The following GRB2 variants were observed in gnomAD, a reference collection of about 807,000 sequenced individuals.
The protein encoded by GRB2 is growth factor receptor-bound protein 2.
In GRB2, 2 loss-of-function variants were observed where a neutral mutation model predicts 27.4. That is an observed-to-expected ratio of 0.07 (90% CI 0.03 to 0.23). GRB2 has a LOEUF of 0.23. Among genes scored for constraint, GRB2 ranks in the 10% least tolerant of loss-of-function variants. The pLI, the probability that GRB2 is intolerant of heterozygous loss-of-function variation, is 1.00. For missense variants in GRB2, 102 were observed against 282.4 expected (o/e 0.36, Z 4.58); for synonymous variants, 94 against 99.6 (o/e 0.94, Z 0.33).
chr17:75,358,926 T>TAC (rs2078757454), intron 2 of GRB2, among the ~76,000 whole-genome samples: 2 of 133,802 alleles, frequency 1.5e-5, no homozygotes, highest in Non-Finnish European at 3.2e-5. Flanking sequence ...AATATATATA[T>TAC]ATATAAAATA....
intron 2 of GRB2, among the ~76,000 whole-genome samples, chr17:75,388,930 G>A (rs1267840497): frequency 6.6e-6 from 1 of 152,056 alleles, no homozygotes; most frequent in East Asian, 1.9e-4. Context: ...TATCTGACAG[G>A]CAGAAATCCC....
intron 1 of GRB2, among the ~76,000 whole-genome samples, chr17:75,403,747 G>A (rs1490185607): frequency 6.6e-6 from 1 of 151,034 alleles, no homozygotes; most frequent in Non-Finnish European, 1.5e-5. Context: ...CTGGGCGACA[G>A]AGCGAGACTC....
intron 2 of GRB2, among the ~76,000 whole-genome samples, chr17:75,376,328 G>A (rs1473132363): frequency 3.4e-5 from 4 of 118,468 alleles, no homozygotes; most frequent in Non-Finnish European, 5.0e-5. Flanking sequence ...CTGGGTGACA[G>A]ACAGAGACTC....
intron 2 of GRB2, among the ~76,000 whole-genome samples, chr17:75,384,647 G>T (rs2078950626): frequency 6.6e-6 from 1 of 152,038 alleles, no homozygotes; most frequent in African/African-American, 2.4e-5. Context: ...TCCAGCCTGG[G>T]CAACAGAGAC....
rs191004344 is a variant in GRB2, at chr17:75,396,159, T to C, written c.-137-2394A>G. ...GACCCAATCATACTTTTTTGTACAATCCTTAGATTTTTCCCAGCATTAGCA... is the reference window on the plus strand; with the variant it reads ...GACCCAATCATACTTTTTTGTACAACCCTTAGATTTTTCCCAGCATTAGCA... On this transcript the variant is annotated intron_variant, in intron 1 of 5. Transcript: ENST00000316804. Among the ~76,000 whole-genome samples the C allele has an allele frequency of 7.9e-5, 12 of 152,228 alleles. No homozygotes were observed. The East Asian group carries it at 2.3e-3, about 29-fold the overall frequency.
At position 75,374,085 on chromosome 17, in the gene GRB2, G is replaced by A. The variant is rs368132732; in HGVS notation, c.78+19466C>T. On this transcript the variant is annotated intron_variant, in intron 2 of 5. Coordinates refer to ENST00000316804, the MANE Select transcript of GRB2 (RefSeq NM_002086.5). The stretch of plus-strand genomic sequence containing the variant: ...GCTGGGATTACAGGAGTGAGCCACC[G>A]TGCCCTGCCAGGTACTGATATTCTT... Among the ~76,000 whole-genome samples the A allele has an allele frequency of 7.6e-3, 1,150 of 151,630 alleles. 8 individuals carry two copies. Among genetic ancestry groups the A allele is most frequent in the African/African-American group, 0.026 (1,067 of 41,412 alleles).
At chr17:75,350,140 C>A (rs1334062622) in intron 2 of GRB2, among the ~76,000 whole-genome samples, 1 of 150,806 alleles carries the variant, frequency 6.6e-6, no homozygotes, top group Non-Finnish European at 1.5e-5. Context: ...ATCCCTTAAG[C>A]CCAGCAGTTT....
intron 2 of GRB2, among the ~76,000 whole-genome samples, chr17:75,346,850 ACTGTGCCCAGCCTG>A (rs1387040301): frequency 2.6e-5 from 4 of 152,024 alleles, no homozygotes; most frequent in Non-Finnish European, 5.9e-5. Flanking sequence ...GGCATGAGCC[ACTGTGCCCAGCCTG>A]CTCTGACTTT....
At position 75,319,162 on chromosome 17, in the gene GRB2, C is replaced by G. The variant is rs966635732; in HGVS notation, c.*1206G>C. The G allele has an allele frequency of 1.1e-4, 16 of 145,024 alleles. No homozygotes were observed. Among genetic ancestry groups the G allele is most frequent in the Admixed American group, 1.1e-3 (15 of 14,092 alleles). The allele number at this position is 145,024 out of a possible 1,614,324, so 9.0% of individuals were successfully genotyped here. A position where few individuals can be genotyped will look rare whatever the true frequency, so the allele number is the denominator to read the frequency against. On this transcript the variant is annotated 3_prime_UTR_variant, in exon 6 of 6. Transcript: ENST00000316804. ...GAGCTTAAAGCCTCCTGGCTTAGTA[C>G]AAGCAGGAGAACGCCTCACCTTCCA...
intron 2 of GRB2, chr17:75,393,324 AAATG>A (rs2079009878): frequency 5.2e-6 from 3 of 576,628 alleles, no homozygotes. Context: ...ATCAACAGAC[AAATG>A]AGGCATTCAC....
chr17:75,331,106 C>T (rs1190959533), intron 3 of GRB2, among the ~76,000 whole-genome samples: 1 of 152,192 alleles, frequency 6.6e-6, no homozygotes, highest in Admixed American at 6.5e-5. Flanking sequence ...AACATCCAGC[C>T]ACAGAGCAGC....
In GRB2 at chr17:75,349,586, C is replaced by T. The variant is rs545949483; in HGVS notation, c.79-16789G>A. 9.3e-5 allele frequency among the ~76,000 whole-genome samples: 14 copies of T among 151,264 alleles called. 1 individual carries two copies. Among genetic ancestry groups the T allele is most frequent in the African/African-American group, 3.2e-4 (13 of 41,100 alleles). ...ACTGCAGTGATGCGATCTTGGCCCA[C>T]TGCAACCCCCGCACCCTCTGCCTCC... On this transcript the variant is annotated intron_variant, in intron 2 of 5. Coordinates refer to ENST00000316804, the MANE Select transcript of GRB2 (RefSeq NM_002086.5).
intron 2 of GRB2, among the ~76,000 whole-genome samples, chr17:75,383,898 T>C (rs2078945852): frequency 1.3e-5 from 2 of 152,142 alleles, no homozygotes. Flanking sequence ...TTGGCTCTTT[T>C]AGTCTTCACT....
chr17:75,396,107 G>C (rs1004475567), intron 1 of GRB2, among the ~76,000 whole-genome samples: 3 of 151,916 alleles, frequency 2.0e-5, no homozygotes, highest in African/African-American at 2.4e-5. Flanking sequence ...CCAAGTGCTG[G>C]GATTACAGGC....
chr17:75,344,644 G>A (rs969161569), intron 2 of GRB2, among the ~76,000 whole-genome samples: 3 of 151,770 alleles, frequency 2.0e-5, no homozygotes, highest in Non-Finnish European at 4.4e-5. Flanking sequence ...TGCCCGCCTC[G>A]GCCTCCCAAA....
intron 2 of GRB2, chr17:75,339,021 G>C: frequency 7.9e-7 from 1 of 1,259,882 alleles, no homozygotes; most frequent in Non-Finnish European, 1.2e-6. Flanking sequence ...CCACAAAGAA[G>C]ACTGTGCTAA....
intron 2 of GRB2, among the ~76,000 whole-genome samples, chr17:75,347,104 G>C (rs1293979047): frequency 6.6e-6 from 1 of 152,016 alleles, no homozygotes; most frequent in Admixed American, 6.6e-5. Context: ...TCTCCCTGTC[G>C]TAGGCCTCAT....
At chr17:75,396,395 A>T (rs2079029397) in intron 1 of GRB2, among the ~76,000 whole-genome samples, 1 of 151,982 alleles carries the variant, frequency 6.6e-6, no homozygotes. Flanking sequence ...GGTGTGGGCC[A>T]CTATGCCCGG....
chr17:75,378,909 G>A (rs577771420), intron 2 of GRB2, among the ~76,000 whole-genome samples: 7 of 152,202 alleles, frequency 4.6e-5, no homozygotes, highest in South Asian at 2.1e-4. Context: ...CACAAATTTC[G>A]GTTCACAATC....
Sources: gnomAD v4.1 joint callset for allele counts (sites outside exome capture counted in the v4.1 genomes callset) on GRCh38, gnomAD v4.1.1 for gene constraint, MANE v1.5 for transcripts, NCBI Gene and HGNC (gene_info 2026-07-23, HGNC 2026-07-21) for gene names.